The following PDE4D variants were observed in gnomAD, a reference collection of about 807,000 sequenced individuals.
The protein encoded by PDE4D is 3',5'-cyclic-AMP phosphodiesterase 4D.
In PDE4D, 24 loss-of-function variants were observed where a neutral mutation model predicts 87.4. The ratio of observed to expected loss-of-function variants is 0.27; its 90% CI spans 0.20 to 0.39. The LOEUF (loss-of-function observed/expected upper bound fraction) is 0.39, where lower values mean the gene tolerates loss of function less well. Ranked by LOEUF, PDE4D falls within the 10% of genes least tolerant of loss-of-function variation. PDE4D has a pLI of 1.00. For synonymous variants in PDE4D, 384 were observed against 383.2 expected, an observed-to-expected ratio of 1.00 and a Z score of -0.02; for missense variants, 714 against 1,041.0, an observed-to-expected ratio of 0.69 and a Z score of 4.32.
chr5:60,366,235 T>A (rs1049416668), intron 1 of PDE4D, among the ~76,000 whole-genome samples: 3 of 151,700 alleles, frequency 2.0e-5, no homozygotes, highest in African/African-American at 7.3e-5. Context: ...GATAGCATGC[T>A]TTTTTTCCCC....
chr5:59,698,378 C>A (rs1192644122), intron 1 of PDE4D, among the ~76,000 whole-genome samples: 3 of 151,984 alleles, frequency 2.0e-5, no homozygotes, highest in African/African-American at 7.2e-5. Context: ...TTCTACATTG[C>A]ATGGATATTT....
At chr5:59,755,794 T>C (rs1021849197) in intron 1 of PDE4D, among the ~76,000 whole-genome samples, 4 of 151,802 alleles carry the variant, frequency 2.6e-5, no homozygotes, top group Non-Finnish European at 4.4e-5. Context: ...AGAAAGTTGC[T>C]TGCTTCAAAA....
intron 1 of PDE4D, among the ~76,000 whole-genome samples, chr5:59,243,448 C>CTTTTTTTT (rs767287011): frequency 6.9e-5 from 5 of 72,304 alleles, no homozygotes; most frequent in Admixed American, 2.0e-4. Flanking sequence ...TTAAAATAAC[C>CTTTTTTTT]TTTTTTTTTT....
Position 59,466,582 on chromosome 5 carries a change from GT to G in PDE4D, c.456-250615del, listed in dbSNP as rs773063802. 6.2e-4 allele frequency among the ~76,000 whole-genome samples: 94 copies of G among 152,268 alleles called. 2 individuals carry two copies. Among genetic ancestry groups the G allele is most frequent in the Admixed American group, 9.2e-4 (14 of 15,290 alleles). ...CTGCCTGACTCAAACCTCTGCTACT[GT>G]TTTTTTCTGTCCAGATAAGGGAGCT... On this transcript the variant is annotated intron_variant, in intron 1 of 14. Coordinates refer to ENST00000340635, the MANE Select transcript of PDE4D (RefSeq NM_001104631.2).
At chr5:59,491,703 T>A (rs1172844082) in intron 1 of PDE4D, among the ~76,000 whole-genome samples, 1 of 152,186 alleles carries the variant, frequency 6.6e-6, no homozygotes, top group Non-Finnish European at 1.5e-5. Flanking sequence ...TTCAAAAGAA[T>A]CATGAATACC....
chr5:59,838,591 T>C (rs1450258589), intron 1 of PDE4D, among the ~76,000 whole-genome samples: 1 of 152,070 alleles, frequency 6.6e-6, no homozygotes, highest in Admixed American at 6.6e-5. Context: ...TTAGGAAATG[T>C]CAGATTACCA....
chr5:59,112,248 G>A (rs1409811270), intron 5 of PDE4D, among the ~76,000 whole-genome samples: 2 of 152,196 alleles, frequency 1.3e-5, no homozygotes, highest in African/African-American at 2.4e-5. Context: ...GAGGCTAATG[G>A]GCTGGAGCTG....
intron 1 of PDE4D, among the ~76,000 whole-genome samples, chr5:59,425,724 CG>C (rs1184524525): frequency 6.6e-6 from 1 of 152,118 alleles, no homozygotes; most frequent in Non-Finnish European, 1.5e-5. Context: ...GAAAATGGGA[CG>C]TATTCTTCTC....
chr5:59,296,416 TA>T (rs34598563), intron 1 of PDE4D, among the ~76,000 whole-genome samples: 58 of 150,518 alleles, frequency 3.9e-4, no homozygotes, highest in African/African-American at 6.1e-4. Context: ...GCCAATTTAT[TA>T]AAAAAAAAAT....
chr5:59,907,322 T>C (rs1200808383), intron 3 of PDE4D, among the ~76,000 whole-genome samples: 1 of 152,146 alleles, frequency 6.6e-6, no homozygotes, highest in African/African-American at 2.4e-5. Context: ...GTCGGCAAAC[T>C]GTTTTTATAA....
chr5:60,126,953 G>T (rs192324293), intron 2 of PDE4D, among the ~76,000 whole-genome samples: 1 of 152,300 alleles, frequency 6.6e-6, no homozygotes, highest in African/African-American at 2.4e-5. Context: ...TACAGTGAAA[G>T]AAGTATGCAG....
chr5:60,087,136 G>A (rs568319915), intron 2 of PDE4D, among the ~76,000 whole-genome samples: 1 of 152,326 alleles, frequency 6.6e-6, no homozygotes, highest in African/African-American at 2.4e-5. Flanking sequence ...CCCAGAGTGG[G>A]AAACAATGGC....
At chr5:60,460,687 A>C (rs1746859158) in intron 1 of PDE4D, 1 of 986,644 alleles carries the variant, frequency 1.0e-6, no homozygotes. Context: ...AGCAGGAGGC[A>C]TTCTTGGTTT....
At chr5:59,361,872 T>G (rs953854986) in intron 1 of PDE4D, among the ~76,000 whole-genome samples, 1 of 152,224 alleles carries the variant, frequency 6.6e-6, no homozygotes, top group Admixed American at 6.5e-5. Context: ...TGTGCCTAAA[T>G]AGGGGCAGAA....
intron 1 of PDE4D, among the ~76,000 whole-genome samples, chr5:59,376,832 C>A (rs1187943470): frequency 1.3e-5 from 2 of 152,114 alleles, no homozygotes; most frequent in African/African-American, 4.8e-5. Flanking sequence ...GGTACAAAAA[C>A]AGACACATAG....
At chr5:59,574,084 TTATATATATAAATATATATTTATATA>T (rs1822516428) in intron 1 of PDE4D, among the ~76,000 whole-genome samples, 1 of 109,792 alleles carries the variant, frequency 9.1e-6, no homozygotes, top group African/African-American at 4.1e-5. Flanking sequence ...ATATATATAT[TTATATATATAAATATATATTTATATA>T]TATATATAAA....
chr5:60,082,180 G>A (rs1454072309), intron 2 of PDE4D, among the ~76,000 whole-genome samples: 2 of 152,136 alleles, frequency 1.3e-5, no homozygotes, highest in Non-Finnish European at 2.9e-5. Context: ...CTAACCTCTA[G>A]TGTGATGACA....
intron 1 of PDE4D, among the ~76,000 whole-genome samples, chr5:60,249,193 T>C (rs1748147798): frequency 6.6e-6 from 1 of 152,020 alleles, no homozygotes; most frequent in Non-Finnish European, 1.5e-5. Context: ...GGTACAATGC[T>C]TTAGGGAGAA....
intron 1 of PDE4D, among the ~76,000 whole-genome samples, chr5:59,364,269 T>C (rs1562036716): frequency 6.6e-6 from 1 of 152,214 alleles, no homozygotes; most frequent in Non-Finnish European, 1.5e-5. Flanking sequence ...TTATTTCTAC[T>C]GGTTCAGTGG....
Sources: allele counts gnomAD v4.1 joint callset (sites outside exome capture counted in the v4.1 genomes callset), GRCh38; gene constraint gnomAD v4.1.1; transcripts MANE v1.5; gene names NCBI Gene and HGNC (gene_info 2026-07-23, HGNC 2026-07-21).